The following FKBP5 variants were observed in gnomAD, a reference collection of about 807,000 sequenced individuals.
The protein encoded by FKBP5 is FKBP prolyl isomerase 5, also known as peptidyl-prolyl cis-trans isomerase FKBP5.
Under a neutral mutation model 50.5 loss-of-function variants are expected in FKBP5, and 23 were observed. That is an observed-to-expected ratio of 0.46 (90% CI 0.33 to 0.65). The LOEUF (loss-of-function observed/expected upper bound fraction) is 0.65. Ranked by LOEUF, FKBP5 falls within the 30% of genes least tolerant of loss-of-function variation. The pLI is 0.02. For missense variants in FKBP5, 411 were observed against 553.1 expected, an observed-to-expected ratio of 0.74 and a Z score of 2.58; for synonymous variants, 176 against 190.6, an observed-to-expected ratio of 0.92 and a Z score of 0.63.
intron 1 of FKBP5, among the ~76,000 whole-genome samples, chr6:35,644,031 T>A (rs541931904): frequency 1.3e-5 from 2 of 152,230 alleles, no homozygotes; most frequent in African/African-American, 4.8e-5. Context: ...ATTTTTTCCT[T>A]ACCTATGTGA....
chr6:35,718,996 G>C (rs1766559950), intron 2 of FKBP5, among the ~76,000 whole-genome samples: 1 of 152,190 alleles, frequency 6.6e-6, no homozygotes, highest in Admixed American at 6.5e-5. Flanking sequence ...ACCTCTAGCA[G>C]AACAGGAGGC....
At chr6:35,666,510 A>G (rs1406948567) in intron 1 of FKBP5, among the ~76,000 whole-genome samples, 1 of 151,582 alleles carries the variant, frequency 6.6e-6, no homozygotes, top group Non-Finnish European at 1.5e-5. Context: ...GTTACAAACG[A>G]ATTGATATGG....
chr6:35,723,029 C>T (rs1376969296), intron 1 of FKBP5, among the ~76,000 whole-genome samples: 1 of 152,070 alleles, frequency 6.6e-6, no homozygotes, highest in Non-Finnish European at 1.5e-5. Flanking sequence ...ATCAGGAGAT[C>T]GAGACCATCC....
At position 35,580,850 on chromosome 6, in the gene FKBP5, G is replaced by C. The variant is rs563851791; in HGVS notation, c.841-629C>G. 3.0e-6 allele frequency: 3 copies of C among 985,120 alleles called. No homozygotes were observed. The East Asian group carries it at 3.4e-4, about 112-fold the overall frequency. The allele number at this position is 985,120 out of a possible 1,614,324, so 61.0% of individuals were successfully genotyped here. A position where few individuals can be genotyped will look rare whatever the true frequency, so the allele number is the denominator to read the frequency against. Reference sequence around the variant, plus strand: ...GCCACCACACCTGGCCTATTCTTTAGTCTTTCAAAAGGATTGTGAGCAGTT... The same window carrying C: ...GCCACCACACCTGGCCTATTCTTTACTCTTTCAAAAGGATTGTGAGCAGTT... On this transcript the variant is annotated intron_variant, in intron 8 of 10. Coordinates refer to ENST00000357266, the MANE Select transcript of FKBP5 (RefSeq NM_004117.4).
At chr6:35,578,441 C>A (rs190589589) in intron 9 of FKBP5, among the ~76,000 whole-genome samples, 1 of 152,126 alleles carries the variant, frequency 6.6e-6, no homozygotes, top group South Asian at 2.1e-4. Flanking sequence ...AACATTAAAA[C>A]CTTCTTTAAA....
intron 2 of FKBP5, among the ~76,000 whole-genome samples, chr6:35,703,874 T>C (rs10456432): frequency 0.18 from 28,117 of 152,164 alleles, 2,659 homozygotes; most frequent in Non-Finnish European, 0.2. Context: ...GAATTTGGCA[T>C]TGGTGCTGGA....
intron 1 of FKBP5, among the ~76,000 whole-genome samples, chr6:35,645,974 G>C (rs1473999233): frequency 6.6e-6 from 1 of 152,096 alleles, no homozygotes; most frequent in Non-Finnish European, 1.5e-5. Flanking sequence ...AAATTAGCCA[G>C]GCGTGGTGGC....
chr6:35,688,944 C>G (rs1765923689), upstream of FKBP5: 1 of 151,832 alleles, frequency 6.6e-6, no homozygotes, highest in African/African-American at 2.4e-5. Context: ...GCCCGAATCC[C>G]CGGGGCAGCG....
intron 3 of FKBP5, among the ~76,000 whole-genome samples, chr6:35,622,218 T>C (rs1763864988): frequency 1.3e-5 from 2 of 152,168 alleles, no homozygotes; most frequent in Admixed American, 6.6e-5. Flanking sequence ...GTTAAAAATA[T>C]ATGTAAGTGG....
chr6:35,682,921 G>GA (rs1301022759), intron 1 of FKBP5, among the ~76,000 whole-genome samples: 1 of 137,866 alleles, frequency 7.3e-6, no homozygotes, highest in Non-Finnish European at 1.6e-5. Flanking sequence ...AAAAAAAAAA[G>GA]AAAAAAAAGT....
At chr6:35,604,362 C>T (rs1763241921) in intron 5 of FKBP5, among the ~76,000 whole-genome samples, 1 of 152,138 alleles carries the variant, frequency 6.6e-6, no homozygotes, top group Non-Finnish European at 1.5e-5. Flanking sequence ...TTGAAGATAA[C>T]TTTTTGGAAG....
At chr6:35,708,820 C>A (rs193295101) in intron 2 of FKBP5, among the ~76,000 whole-genome samples, 26 of 151,888 alleles carry the variant, frequency 1.7e-4, no homozygotes, top group Admixed American at 1.5e-3. Flanking sequence ...GCTCAGACAG[C>A]CATATTGAAA....
upstream of FKBP5, among the ~76,000 whole-genome samples, chr6:35,692,825 A>C (rs1053717389): frequency 1.3e-5 from 2 of 150,370 alleles, no homozygotes; most frequent in African/African-American, 4.9e-5. Flanking sequence ...AATACACGGT[A>C]GAGTGGATAT....
intron 9 of FKBP5, 53 bp from the exon 10 acceptor site, chr6:35,577,286 A>G: frequency 2.7e-6 from 4 of 1,486,626 alleles, no homozygotes; most frequent in Non-Finnish European, 3.6e-6. Flanking sequence ...TAAATTCAGT[A>G]AACAGCTTAC....
chr6:35,713,312 G>A (rs146459326), intron 2 of FKBP5, among the ~76,000 whole-genome samples: 2 of 152,206 alleles, frequency 1.3e-5, no homozygotes, highest in Non-Finnish European at 2.9e-5. Flanking sequence ...CTGTGGCCTA[G>A]AAGAGGGACA....
intron 1 of FKBP5, among the ~76,000 whole-genome samples, chr6:35,677,930 C>A (rs535977622): frequency 1.3e-5 from 2 of 151,996 alleles, no homozygotes; most frequent in African/African-American, 4.8e-5. Flanking sequence ...ACTACAGGCA[C>A]GCGCCCCCAC....
chr6:35,643,418 T>G (rs1433113293), intron 1 of FKBP5, among the ~76,000 whole-genome samples: 1 of 152,192 alleles, frequency 6.6e-6, no homozygotes, highest in Non-Finnish European at 1.5e-5. Context: ...TTAGCATAGA[T>G]TGGTAACTTA....
intron 1 of FKBP5, among the ~76,000 whole-genome samples, chr6:35,685,953 G>A (rs1765811867): frequency 7.3e-6 from 1 of 136,070 alleles, no homozygotes; most frequent in African/African-American, 2.9e-5. Context: ...TTGCACTCCA[G>A]CCTGGGCAAC....
At chr6:35,580,002 T>G (rs765699774) in intron 9 of FKBP5, 34 bp downstream of exon 9, 1 of 1,541,360 alleles carries the variant, frequency 6.5e-7, no homozygotes, top group Non-Finnish European at 8.9e-7. Flanking sequence ...ATCTGGAGTA[T>G]CTAAAGTCCA....
Sources: allele counts gnomAD v4.1 joint callset (sites outside exome capture counted in the v4.1 genomes callset), GRCh38; gene constraint gnomAD v4.1.1; transcripts MANE v1.5; gene names NCBI Gene and HGNC (gene_info 2026-07-23, HGNC 2026-07-21).